SP100: variants seen among roughly 807,000 people sequenced by gnomAD.
SP100 encodes the protein SP100 nuclear body protein.
In SP100, 84 loss-of-function variants were observed where a neutral mutation model predicts 130.0. The observed-to-expected ratio is 0.65, with a 90% CI of 0.54 to 0.77. SP100 has a LOEUF of 0.77. Among genes scored for constraint, SP100 ranks in the 30% least tolerant of loss-of-function variants. The pLI is 0.00. For missense variants in SP100, 978 were observed against 1,052.2 expected (o/e 0.93, Z 0.97); for synonymous variants, 331 against 351.7 (o/e 0.94, Z 0.66).
chr2:230,461,333 A>G lies in SP100; in HGVS notation c.892A>G (p.Lys298Glu), dbSNP rs1293262197. 1 of 1,614,186 alleles carries G rather than the reference A, an allele frequency of 6.2e-7. No individual in the cohort carries two copies. Among genetic ancestry groups the G allele is most frequent in the South Asian group, 1.1e-5 (1 of 91,090 alleles). ...SCSVRLVDIKKEKPFSNSKVE... is the reference protein window; with the variant it reads ...SCSVRLVDIKEEKPFSNSKVE... ...TTCTGTGCGACTGGTGGATATAAAA[A>G]AGGAAAAGCCATTTTCTAATTCAAA... is the stretch of plus-strand genomic sequence containing the variant. The change falls in exon 9 of 29, where the codon AAG becomes GAG. Residue 298 changes from lysine to glutamate, a missense_variant. By Grantham distance (56) the Lys-to-Glu change is moderately conservative. Coordinates refer to ENST00000340126, the MANE Select transcript of SP100 (RefSeq NM_001080391.2).
intron 17 of SP100, among the ~76,000 whole-genome samples, chr2:230,487,028 T>C (rs911664383): frequency 6.6e-6 from 1 of 152,226 alleles, no homozygotes; most frequent in Non-Finnish European, 1.5e-5. Context: ...GTTTTGTTTT[T>C]TCTTGTAAAT....
intron 1 of SP100, chr2:230,416,916 A>T (rs2149848340): frequency 1.0e-6 from 1 of 984,894 alleles, no homozygotes; most frequent in African/African-American, 1.7e-5. Context: ...TTTTTACCTC[A>T]ATTTCCTGTC....
chr2:230,428,503 C>T (rs530349253), intron 2 of SP100, among the ~76,000 whole-genome samples: 12 of 150,644 alleles, frequency 8.0e-5, no homozygotes, highest in African/African-American at 2.0e-4. Context: ...AGTGCGGTGG[C>T]GCGATCTCAG....
At chr2:230,503,767 G>A (rs1286398619) in intron 20 of SP100, among the ~76,000 whole-genome samples, 1 of 152,192 alleles carries the variant, frequency 6.6e-6, no homozygotes, top group African/African-American at 2.4e-5. Flanking sequence ...TGCCCCATTA[G>A]GTGCCACTCT....
chr2:230,541,473 T>A, intron 27 of SP100, 101 bp downstream of exon 27: 1 of 991,214 alleles, frequency 1.0e-6, no homozygotes, highest in Non-Finnish European at 1.6e-6. Flanking sequence ...TGTTGATGAG[T>A]TTTTAGTTCA....
At chr2:230,447,279 T>C (rs2063753438) in intron 5 of SP100, among the ~76,000 whole-genome samples, 1 of 152,216 alleles carries the variant, frequency 6.6e-6, no homozygotes, top group Non-Finnish European at 1.5e-5. Flanking sequence ...GCTCCTGTTT[T>C]ACCTGTACTG....
At chr2:230,527,126 G>C (rs1191408568) in intron 24 of SP100, among the ~76,000 whole-genome samples, 1 of 152,154 alleles carries the variant, frequency 6.6e-6, no homozygotes, top group Non-Finnish European at 1.5e-5. Flanking sequence ...GTAAATGTCA[G>C]ATTCACCGAG....
chr2:230,501,025 T>C (rs2066989389), intron 19 of SP100, among the ~76,000 whole-genome samples: 2 of 152,138 alleles, frequency 1.3e-5, no homozygotes, highest in Non-Finnish European at 2.9e-5. Flanking sequence ...GGTGGATTGC[T>C]TAAGCCCTGG....
intron 17 of SP100, among the ~76,000 whole-genome samples, chr2:230,483,125 G>A (rs1194066537): frequency 6.6e-6 from 1 of 152,016 alleles, no homozygotes; most frequent in Non-Finnish European, 1.5e-5. Context: ...AAATCTCATC[G>A]AGCTTACATT....
At chr2:230,506,539 A>G (rs1690118511) in intron 22 of SP100, 94 bp downstream of exon 22, 3 of 1,279,200 alleles carry the variant, frequency 2.3e-6, no homozygotes, top group African/African-American at 1.5e-5. Context: ...CCAGAAATTC[A>G]TCATGACTTC....
chr2:230,484,328 G>A (rs547311626), intron 17 of SP100, among the ~76,000 whole-genome samples: 1 of 152,340 alleles, frequency 6.6e-6, no homozygotes, highest in South Asian at 2.1e-4. Flanking sequence ...TGATTGGAGG[G>A]TTCACATAAA....
At chr2:230,513,458 G>C (rs183846305) in intron 24 of SP100, among the ~76,000 whole-genome samples, 40 of 151,604 alleles carry the variant, frequency 2.6e-4, no homozygotes, top group Non-Finnish European at 4.6e-4. Flanking sequence ...TGGAAAGCCT[G>C]TTTACTTTTA....
chr2:230,541,194 T>C, intron 26 of SP100, 107 bp from the exon 27 acceptor site: 1 of 1,253,884 alleles, frequency 8.0e-7, no homozygotes, highest in Non-Finnish European at 1.1e-6. Flanking sequence ...GCCATGTTTG[T>C]TTCAAAGAGT....
At chr2:230,470,471 A>G in intron 15 of SP100, 3 of 952,542 alleles carry the variant, frequency 3.1e-6, no homozygotes, top group African/African-American at 1.8e-5. Context: ...CTCAAAAGAC[A>G]ACTGTTCCTA....
Position 230,467,160 on chromosome 2 carries a change from G to A in SP100, c.1236G>A (p.Glu412=). ...QDHDFSESSE[E]EAPAEASSGA... ...ACGACTTTTCAGAATCCAGTGAGGA[G>A]GAGGCGCCCGCAGAAGCCTCGAGCG... Residue 412 remains glutamate, a synonymous_variant, in exon 13 of 29, where the codon GAG becomes GAA. Coordinates refer to ENST00000340126, the MANE Select transcript of SP100 (RefSeq NM_001080391.2). 6.2e-6 allele frequency: 10 copies of A among 1,613,966 alleles called. No individual in the cohort carries two copies. Among genetic ancestry groups the A allele is most frequent in the Non-Finnish European group, 8.5e-6 (10 of 1,179,866 alleles).
rs1181413474 is a variant in SP100 at position 230,503,066 on chromosome 2, G to A, written c.1721G>A (p.Gly574Glu). Residue 574 changes from glycine (G) to glutamate (E), a missense_variant and splice_region_variant, in exon 20 of 29, where the codon GGA becomes GAA. Coordinates refer to ENST00000340126, the MANE Select transcript of SP100 (RefSeq NM_001080391.2). ...TTATGTTGTTTTTCAACTTTCTCAG[G>A]AAGAAAAGCCAACACTAGACCTTTG... ...KVQKKRWQQR[G>E]RKANTRPLKR... The A allele has an allele frequency of 1.9e-6, 3 of 1,596,158 alleles. No homozygotes were observed. Among genetic ancestry groups the A allele is most frequent in the Middle Eastern group, 1.7e-4 (1 of 6,006 alleles).
At chr2:230,512,504 G>A (rs188935091) in intron 24 of SP100, among the ~76,000 whole-genome samples, 1 of 150,730 alleles carries the variant, frequency 6.6e-6, no homozygotes, top group Admixed American at 6.6e-5. Flanking sequence ...TGATCAGGCT[G>A]GTCTTGAACT....
intron 17 of SP100, among the ~76,000 whole-genome samples, chr2:230,488,070 T>G (rs1361944016): frequency 1.3e-5 from 2 of 152,166 alleles, no homozygotes; most frequent in East Asian, 3.8e-4. Context: ...CCTTATCAAT[T>G]TAAGGAGTTT....
intron 24 of SP100, among the ~76,000 whole-genome samples, chr2:230,534,201 A>AT (rs1284137511): frequency 6.6e-6 from 1 of 151,982 alleles, no homozygotes; most frequent in Non-Finnish European, 1.5e-5. Context: ...AGGTCAGGAG[A>AT]TTGAGACCAT....
Sources: gnomAD v4.1 joint callset for allele counts (sites outside exome capture counted in the v4.1 genomes callset) on GRCh38, gnomAD v4.1.1 for gene constraint, MANE v1.5 for transcripts, NCBI Gene and HGNC (gene_info 2026-07-23, HGNC 2026-07-21) for gene names.